Variants in CYP2C19 observed in about 807,000 individuals in gnomAD.
The protein encoded by CYP2C19 is cytochrome P450 2C19.
A neutral mutation model predicts 40.9 loss-of-function variants in CYP2C19; 59 were observed. The observed-to-expected ratio is 1.44, with a 90% CI of 1.17 to 1.79. The LOEUF is 1.79. Ranked by LOEUF, CYP2C19 falls within the 40% of genes most tolerant of loss-of-function variation. The pLI, the probability that CYP2C19 is intolerant of heterozygous loss-of-function variation, is 0.00. For missense variants in CYP2C19, 754 were observed against 596.9 expected (o/e 1.26, Z -2.74); for synonymous variants, 253 against 208.7 (o/e 1.21, Z -1.83).
intron 6 of CYP2C19, among the ~76,000 whole-genome samples, chr10:94,826,995 C>T (rs949341033): frequency 2.0e-5 from 3 of 152,146 alleles, no homozygotes; most frequent in African/African-American, 7.2e-5. Context: ...ACCAGCCTTG[C>T]ATCCCAGGGA....
intron 5 of CYP2C19, among the ~76,000 whole-genome samples, chr10:94,810,208 G>A (rs190282395): frequency 1.3e-5 from 2 of 152,136 alleles, no homozygotes; most frequent in Non-Finnish European, 2.9e-5. Flanking sequence ...TGTGTTGAAC[G>A]AGCCTTGCAT....
chr10:94,824,163 C>G (rs1849174118), intron 6 of CYP2C19, among the ~76,000 whole-genome samples: 1 of 152,090 alleles, frequency 6.6e-6, no homozygotes, highest in Non-Finnish European at 1.5e-5. Flanking sequence ...TACCAGAGAA[C>G]CATATTTATG....
chr10:94,802,874 T>G (rs1564670004), intron 5 of CYP2C19, among the ~76,000 whole-genome samples: 2 of 152,152 alleles, frequency 1.3e-5, no homozygotes. Flanking sequence ...AAATTCTGGG[T>G]TGAAAATTAT....
Position 94,850,061 on chromosome 10 carries a change from A to T in CYP2C19, c.1291+3A>T, listed in dbSNP as rs1849629968. The T allele has an allele frequency of 6.2e-7, 1 of 1,613,248 alleles. No individual in the cohort carries two copies. Among genetic ancestry groups the T allele is most frequent in the East Asian group, 2.2e-5 (1 of 44,850 alleles). On this transcript the variant is annotated splice_donor_region_variant and intron_variant, in intron 8 of 8. Coordinates refer to ENST00000371321, the MANE Select transcript of CYP2C19 (RefSeq NM_000769.4). ...CTACTTCATGCCTTTCTCAGCAGGT[A>T]ATATAAATTTATTTCCCTTTGTGTT...
In CYP2C19 at chr10:94,855,186, C is replaced by A. The variant is rs779804598; in HGVS notation, c.*2272C>A. Among the ~76,000 whole-genome samples the A allele has an allele frequency of 3.3e-5, 5 of 152,184 alleles. No homozygotes were observed. Among genetic ancestry groups the A allele is most frequent in the Non-Finnish European group, 7.3e-5 (5 of 68,030 alleles). On this transcript the variant is annotated 3_prime_UTR_variant, in exon 9 of 9. Transcript: ENST00000371321. ...TTATTCTCTCTCCCTTATGTAAAGACCCTTGTGATTACATGAAACCCACCA... is the reference window on the plus strand; with the variant it reads ...TTATTCTCTCTCCCTTATGTAAAGAACCTTGTGATTACATGAAACCCACCA...
chr10:94,762,772 A>T lies in CYP2C19; in HGVS notation c.67A>T (p.Ser23Cys). ...GCTTCTCCTTTCAATCTGGAGACAG[A>T]GCTCTGGGAGAGGAAAACTCCCTCC... is the stretch of plus-strand genomic sequence containing the variant. ...CLLLLSIWRQ[S>C]SGRGKLPPGP... Residue 23 changes from serine to cysteine, a missense_variant, in exon 1 of 9, where the codon AGC becomes TGC. Physicochemically the swap from Ser to Cys is moderately radical, Grantham distance 112. Transcript: ENST00000371321. 1 of 1,613,940 alleles carries T rather than the reference A, an allele frequency of 6.2e-7. No homozygotes were observed. The highest frequency in any genetic ancestry group is 8.5e-7 in the Non-Finnish European group (1 of 1,179,916).
At chr10:94,791,532 T>A (rs2134246168) in intron 5 of CYP2C19, among the ~76,000 whole-genome samples, 1 of 152,330 alleles carries the variant, frequency 6.6e-6, no homozygotes, top group African/African-American at 2.4e-5. Context: ...TACACACTGC[T>A]TTAAATGTGT....
intron 3 of CYP2C19, 181 bp downstream of exon 3, chr10:94,775,720 C>G: frequency 4.1e-6 from 4 of 966,682 alleles, no homozygotes; most frequent in South Asian, 1.6e-5. Context: ...TGTGTGTGTA[C>G]AGGCATGATT....
chr10:94,822,297 T>C (rs1251555196), intron 6 of CYP2C19, among the ~76,000 whole-genome samples: 1 of 152,132 alleles, frequency 6.6e-6, no homozygotes, highest in Non-Finnish European at 1.5e-5. Context: ...AAGACTTATT[T>C]ACTATCACAA....
intron 1 of CYP2C19, chr10:94,774,097 G>C (rs1308662140): frequency 6.6e-6 from 1 of 152,132 alleles, no homozygotes; most frequent in African/African-American, 2.4e-5. Context: ...CCTTTAGCTA[G>C]AGAGAAAAGT....
At chr10:94,790,321 A>G (rs1286792510) in intron 5 of CYP2C19, among the ~76,000 whole-genome samples, 2 of 152,072 alleles carry the variant, frequency 1.3e-5, no homozygotes, top group East Asian at 3.9e-4. Flanking sequence ...TCTTTTCCTA[A>G]TTGAATACCC....
intron 6 of CYP2C19, among the ~76,000 whole-genome samples, chr10:94,830,775 G>A (rs1241289140): frequency 6.6e-6 from 1 of 151,728 alleles, no homozygotes; most frequent in African/African-American, 2.4e-5. Flanking sequence ...TTATATTTAT[G>A]GGTACAGAGT....
chr10:94,801,447 G>A (rs1051474395), intron 5 of CYP2C19, among the ~76,000 whole-genome samples: 16 of 152,292 alleles, frequency 1.1e-4, no homozygotes, highest in African/African-American at 3.6e-4. Context: ...ATTGCACTGT[G>A]GTTTGAGAGA....
intron 6 of CYP2C19, among the ~76,000 whole-genome samples, chr10:94,835,260 C>T (rs553669852): frequency 1.3e-5 from 2 of 152,248 alleles, no homozygotes; most frequent in South Asian, 4.1e-4. Flanking sequence ...TTTGAAAAGG[C>T]CTGGTCCAGT....
At chr10:94,847,522 G>A (rs765948378) in intron 7 of CYP2C19, among the ~76,000 whole-genome samples, 1 of 152,140 alleles carries the variant, frequency 6.6e-6, no homozygotes, top group Non-Finnish European at 1.5e-5. Context: ...ATTGTGAGTA[G>A]TGCTGCAATA....
At chr10:94,786,904 A>T (rs1041482204) in intron 5 of CYP2C19, among the ~76,000 whole-genome samples, 1 of 152,008 alleles carries the variant, frequency 6.6e-6, no homozygotes. Context: ...TTTATGCCAC[A>T]CACCATTGGT....
rs1389140054 is a variant in CYP2C19, at chr10:94,854,305, C to T, written c.*1391C>T. 6.6e-6 allele frequency among the ~76,000 whole-genome samples: 1 copy of T among 152,158 alleles called. No homozygotes were observed. Among genetic ancestry groups the T allele is most frequent in the Admixed American group, 6.5e-5 (1 of 15,276 alleles). On this transcript the variant is annotated 3_prime_UTR_variant, in exon 9 of 9. Coordinates refer to ENST00000371321, the MANE Select transcript of CYP2C19 (RefSeq NM_000769.4). ...AACTGCTGGGCTTACAGGCGTGAGCCACTGCACCTGGCTGAACAAAATTTC... is the reference window on the plus strand; with the variant it reads ...AACTGCTGGGCTTACAGGCGTGAGCTACTGCACCTGGCTGAACAAAATTTC...
At chr10:94,789,609 C>T (rs1399923443) in intron 5 of CYP2C19, among the ~76,000 whole-genome samples, 1 of 151,990 alleles carries the variant, frequency 6.6e-6, no homozygotes, top group Non-Finnish European at 1.5e-5. Context: ...GGAATCCTTC[C>T]CCTATTTCTT....
rs72552267 is a variant in CYP2C19, at chr10:94,775,453, G to A, written c.395G>A (p.Arg132Gln). Residue 132 changes from arginine to glutamine, a missense_variant, in exon 3 of 9, where the codon CGG becomes CAG. Physicochemically the swap from Arg to Gln is conservative, Grantham distance 43. Transcript: ENST00000371321. ...CGGCGTTTCTCCCTCATGACGCTGC[G>A]GAATTTTGGGATGGGGAAGAGGAGC... is the stretch of plus-strand genomic sequence containing the variant. ...EIRRFSLMTL[R>Q]NFGMGKRSIE... is the part of the protein sequence containing the mutation. 3.0e-4 allele frequency: 489 copies of A among 1,614,044 alleles called. 1 individual carries two copies. Among genetic ancestry groups the A allele is most frequent in the Admixed American group, 9.2e-4 (55 of 60,016 alleles).
Sources: allele counts gnomAD v4.1 joint callset (sites outside exome capture counted in the v4.1 genomes callset), GRCh38; gene constraint gnomAD v4.1.1; transcripts MANE v1.5; gene names NCBI Gene and HGNC (gene_info 2026-07-23, HGNC 2026-07-21).